RANBP10: variants seen among roughly 807,000 people sequenced by gnomAD.
RANBP10 encodes RAN binding protein 10.
Under a neutral mutation model 72.8 loss-of-function variants are expected in RANBP10, and 24 were observed. That is an observed-to-expected ratio of 0.33 (90% CI 0.24 to 0.46). RANBP10 has a LOEUF of 0.46. RANBP10 is among the 20% of genes least tolerant of loss of function. RANBP10 has a pLI of 1.00. For missense variants in RANBP10, 679 were observed against 817.5 expected, an observed-to-expected ratio of 0.83 and a Z score of 2.07; for synonymous variants, 310 against 322.3, an observed-to-expected ratio of 0.96 and a Z score of 0.41.
At chr16:67,797,643 C>G (rs2143021001) in intron 2 of RANBP10, among the ~76,000 whole-genome samples, 1 of 152,220 alleles carries the variant, frequency 6.6e-6, no homozygotes, top group African/African-American at 2.4e-5. Flanking sequence ...AACCTCGTCT[C>G]TACTAAAAAT....
chr16:67,747,306 T>G (rs1265440161), intron 3 of RANBP10, among the ~76,000 whole-genome samples: 1 of 152,236 alleles, frequency 6.6e-6, no homozygotes, highest in African/African-American at 2.4e-5. Context: ...TTTCATGTAC[T>G]CATTTGCCAC....
At chr16:67,804,405 T>C (rs1019663413) in intron 2 of RANBP10, among the ~76,000 whole-genome samples, 3 of 152,074 alleles carry the variant, frequency 2.0e-5, no homozygotes, top group Non-Finnish European at 2.9e-5. Flanking sequence ...CTGACTTTTT[T>C]TTTTGTTTGG....
intron 3 of RANBP10, among the ~76,000 whole-genome samples, chr16:67,762,748 C>T (rs1281895193): frequency 6.6e-6 from 1 of 152,204 alleles, no homozygotes; most frequent in Non-Finnish European, 1.5e-5. Flanking sequence ...GAGCCTGATG[C>T]AATTTACTGA....
intron 2 of RANBP10, among the ~76,000 whole-genome samples, chr16:67,796,021 A>C (rs1266556826): frequency 6.8e-6 from 1 of 146,732 alleles, no homozygotes; most frequent in Non-Finnish European, 1.5e-5. Context: ...CGTTCAAGTG[A>C]TTCTCCTGAC....
chr16:67,747,817 CTTTT>C (rs1160482023), intron 3 of RANBP10, among the ~76,000 whole-genome samples: 1 of 121,324 alleles, frequency 8.2e-6, no homozygotes, highest in African/African-American at 3.0e-5. Flanking sequence ...ATTTTCTTTT[CTTTT>C]TTTTTTTTTT....
chr16:67,724,976 G>C lies in RANBP10; in HGVS notation c.*1452C>G, dbSNP rs142239859. 159 of 152,844 alleles carry C rather than the reference G, an allele frequency of 1.0e-3. No homozygotes were observed. Among genetic ancestry groups the C allele is most frequent in the Non-Finnish European group, 2.1e-3 (144 of 68,192 alleles). The allele number at this position is 152,844 out of a possible 1,614,324, so 9.5% of individuals were successfully genotyped here. ...AGACTTCCTCCCTTTCCTCCTCCAG[G>C]GCAGCCAGTCCTCTCCACAGGTGGG... On this transcript the variant is annotated 3_prime_UTR_variant, in exon 14 of 14. Coordinates refer to ENST00000317506, the MANE Select transcript of RANBP10 (RefSeq NM_020850.3).
chr16:67,784,905 T>A (rs1175112747), intron 2 of RANBP10, among the ~76,000 whole-genome samples: 3 of 149,164 alleles, frequency 2.0e-5, no homozygotes, highest in Non-Finnish European at 3.0e-5. Context: ...ACTGGCCCAG[T>A]AGCACTTAAA....
chr16:67,767,787 G>C (rs749767262), intron 3 of RANBP10, among the ~76,000 whole-genome samples: 8 of 151,720 alleles, frequency 5.3e-5, no homozygotes, highest in Admixed American at 1.3e-4. Flanking sequence ...TAGTAGAGAT[G>C]GGATTTCACC....
At chr16:67,732,025 C>T (rs2053743843) in intron 6 of RANBP10, among the ~76,000 whole-genome samples, 1 of 152,202 alleles carries the variant, frequency 6.6e-6, no homozygotes, top group Admixed American at 6.5e-5. Context: ...GGATGCATGC[C>T]ACATGCACAC....
chr16:67,756,940 C>T (rs2054296626), intron 3 of RANBP10, among the ~76,000 whole-genome samples: 1 of 152,196 alleles, frequency 6.6e-6, no homozygotes, highest in Non-Finnish European at 1.5e-5. Context: ...CGCAGTGGCT[C>T]ACGCCTGTTA....
intron 2 of RANBP10, among the ~76,000 whole-genome samples, chr16:67,784,832 A>AAAAAG (rs903579493): frequency 1.3e-5 from 2 of 151,682 alleles, no homozygotes; most frequent in South Asian, 2.1e-4. Context: ...AAAAAAAAAG[A>AAAAAG]AAAAGAAAAG....
Position 67,729,706 on chromosome 16 carries a change from G to C in RANBP10, c.1121C>G (p.Pro374Arg). ...GSPSLSPRHGPSSSHMHNTGA... is the reference protein window; with the variant it reads ...GSPSLSPRHGRSSSHMHNTGA... The stretch of plus-strand genomic sequence containing the variant: ...TGTGTTGTGCATGTGGGAACTACTG[G>C]GGCCATGTCGGGGACTGAGGCTGGG... The change falls in exon 9 of 14, where the codon CCC (proline) becomes CGC (arginine). Residue 374 changes from proline to arginine, a missense_variant. Transcript: ENST00000317506. The surrounding 1 kb of genome is among the most constrained non-coding windows in gnomAD (Gnocchi z 7.1). 3 of 1,613,630 alleles carry C rather than the reference G, an allele frequency of 1.9e-6. No homozygotes were observed. The South Asian group carries it at 3.3e-5, about 18-fold the overall frequency.
chr16:67,792,519 G>C (rs4783547), intron 2 of RANBP10, among the ~76,000 whole-genome samples: 1 of 147,776 alleles, frequency 6.8e-6, no homozygotes, highest in Non-Finnish European at 1.5e-5. Context: ...CCGAGATCCC[G>C]CCACTGCAGT....
At chr16:67,803,542 C>A (rs2055274055) in intron 2 of RANBP10, among the ~76,000 whole-genome samples, 1 of 150,166 alleles carries the variant, frequency 6.7e-6, no homozygotes, top group Admixed American at 6.7e-5. Context: ...CCCAGCTACT[C>A]AGGAGGCTGA....
At chr16:67,753,994 C>T (rs1007163260) in intron 3 of RANBP10, among the ~76,000 whole-genome samples, 4 of 151,948 alleles carry the variant, frequency 2.6e-5, no homozygotes, top group Admixed American at 6.6e-5. Context: ...AATTAGCCAG[C>T]GTGGTGGCGG....
chr16:67,726,467 A>G lies in RANBP10; in HGVS notation c.1824T>C (p.Gly608=). The part of the protein sequence containing the change: ...CLRLMARAGL[G]SCSFARVDDY... ...CATCAACTCTGGCAAAGGAGCAAGA[A>G]CCCAGGCCTGCTCGGGCCATGAGCC... is the stretch of plus-strand genomic sequence containing the variant. Residue 608 remains glycine, a synonymous_variant, in exon 14 of 14, where the codon GGT becomes GGC. Transcript: ENST00000317506. The G allele has an allele frequency of 3.7e-6, 6 of 1,609,424 alleles. No individual in the cohort carries two copies. Among genetic ancestry groups the G allele is most frequent in the Non-Finnish European group, 5.1e-6 (6 of 1,177,962 alleles).
intron 3 of RANBP10, among the ~76,000 whole-genome samples, chr16:67,748,863 T>TC (rs2054141779): frequency 1.3e-5 from 2 of 151,992 alleles, no homozygotes; most frequent in Admixed American, 6.6e-5. Context: ...GCAGGTCTAC[T>TC]CCCCAGGCAC....
intron 2 of RANBP10, among the ~76,000 whole-genome samples, chr16:67,805,173 C>T (rs537600912): frequency 2.0e-5 from 3 of 152,212 alleles, no homozygotes; most frequent in Non-Finnish European, 2.9e-5. Flanking sequence ...AAACTTGTTA[C>T]TTGTTTGCCT....
intron 2 of RANBP10, among the ~76,000 whole-genome samples, chr16:67,797,235 G>C (rs1427094840): frequency 6.6e-6 from 1 of 152,238 alleles, no homozygotes; most frequent in Non-Finnish European, 1.5e-5. Context: ...AGGAGGTGAA[G>C]TGAATTCTAG....
Sources: allele counts gnomAD v4.1 joint callset (sites outside exome capture counted in the v4.1 genomes callset), GRCh38; gene constraint gnomAD v4.1.1; non-coding constraint Gnocchi (gnomAD v3.1); transcripts MANE v1.5; gene names NCBI Gene and HGNC (gene_info 2026-07-23, HGNC 2026-07-21).